Variants in PHLPP1 observed in about 807,000 individuals in gnomAD.
PHLPP1 encodes PH domain leucine-rich repeat-containing protein phosphatase 1.
PHLPP1 carries 42 observed loss-of-function variants against 117.2 expected under a neutral mutation model. The ratio of observed to expected loss-of-function variants is 0.36; its 90% CI spans 0.28 to 0.46. The LOEUF (loss-of-function observed/expected upper bound fraction) is 0.46, where lower values mean the gene tolerates loss of function less well. Among genes scored for constraint, PHLPP1 ranks in the 20% least tolerant of loss-of-function variants. PHLPP1 has a pLI of 1.00. For missense variants in PHLPP1, 2,084 were observed against 2,241.9 expected (o/e 0.93, Z 1.42); for synonymous variants, 1,042 against 970.7 (o/e 1.07, Z -1.37).
Position 62,860,745 on chromosome 18 carries a change from T to G in PHLPP1, c.2066+144T>G, listed in dbSNP as rs950485461. 1.5e-5 allele frequency: 10 copies of G among 651,800 alleles called. No individual in the cohort carries two copies. The African/African-American group carries it at 1.6e-4, about 11-fold the overall frequency. 40.4% of individuals were successfully genotyped at this position (651,800 alleles called of 1,614,324 possible). On this transcript the variant is annotated intron_variant, in intron 4 of 16. Coordinates refer to ENST00000262719, the MANE Select transcript of PHLPP1 (RefSeq NM_194449.4). ...AACAGGGTAATAGGACTTTGTTTATTAGTGAAGACATTACCAATTCTCAAT... is the reference window on the plus strand; with the variant it reads ...AACAGGGTAATAGGACTTTGTTTATGAGTGAAGACATTACCAATTCTCAAT...
chr18:62,882,588 A>C (rs535536986), intron 4 of PHLPP1, among the ~76,000 whole-genome samples: 2 of 152,302 alleles, frequency 1.3e-5, no homozygotes, highest in East Asian at 3.9e-4. Flanking sequence ...CTAAAGAGCA[A>C]GTATATTCAA....
chr18:62,811,780 A>G (rs1008716973), intron 1 of PHLPP1, among the ~76,000 whole-genome samples: 1 of 152,118 alleles, frequency 6.6e-6, no homozygotes, highest in Non-Finnish European at 1.5e-5. Flanking sequence ...TCTATTTGGA[A>G]TGGGTTTAAG....
intron 1 of PHLPP1, among the ~76,000 whole-genome samples, chr18:62,720,401 T>C (rs1171800226): frequency 1.3e-5 from 2 of 152,214 alleles, no homozygotes; most frequent in Admixed American, 1.3e-4. Flanking sequence ...CAGAATAAAG[T>C]GCACATTCAC....
intron 1 of PHLPP1, among the ~76,000 whole-genome samples, chr18:62,816,189 A>G (rs78954044): frequency 0.03 from 4,631 of 152,302 alleles, 96 homozygotes; most frequent in Middle Eastern, 0.075. Flanking sequence ...AAAGAGTACA[A>G]AAATTAAGGC....
intron 4 of PHLPP1, among the ~76,000 whole-genome samples, chr18:62,875,639 G>A (rs901522012): frequency 1.3e-5 from 2 of 152,044 alleles, no homozygotes; most frequent in East Asian, 1.9e-4. Context: ...GGTGGGGGAA[G>A]TGCCTTTATT....
At chr18:62,885,651 C>T (rs920908577) in intron 4 of PHLPP1, among the ~76,000 whole-genome samples, 1 of 151,740 alleles carries the variant, frequency 6.6e-6, no homozygotes, top group African/African-American at 2.4e-5. Flanking sequence ...CAGAGTGAGA[C>T]TCCGTCTCAA....
chr18:62,799,677 T>C (rs976362442), intron 1 of PHLPP1, among the ~76,000 whole-genome samples: 1 of 152,194 alleles, frequency 6.6e-6, no homozygotes, highest in Non-Finnish European at 1.5e-5. Flanking sequence ...AAACCATTTA[T>C]TTATGATACC....
chr18:62,972,051 T>C (rs533804752), intron 14 of PHLPP1, among the ~76,000 whole-genome samples: 14 of 152,252 alleles, frequency 9.2e-5, no homozygotes, highest in African/African-American at 3.4e-4. Context: ...AAAATAAAAA[T>C]AAAAATAATT....
intron 10 of PHLPP1, 124 bp downstream of exon 10, chr18:62,920,238 A>G (rs1227203277): frequency 1.0e-6 from 1 of 983,442 alleles, no homozygotes; most frequent in Non-Finnish European, 1.5e-6. Flanking sequence ...TTTGTGAAGG[A>G]AATAGTTTTG....
In PHLPP1 at chr18:62,807,013, A is replaced by G. The variant is rs181269507; in HGVS notation, c.1577-23022A>G. ...TAGTTTAAAAATTTTTTATAAATAA[A>G]GTTGCCCTTATTGTCTTTCATAGCG... On this transcript the variant is annotated intron_variant, in intron 1 of 16. Coordinates refer to ENST00000262719, the MANE Select transcript of PHLPP1 (RefSeq NM_194449.4). 5.3e-5 allele frequency among the ~76,000 whole-genome samples: 8 copies of G among 152,264 alleles called. No homozygotes were observed. The East Asian group carries it at 1.5e-3, about 29-fold the overall frequency.
intron 2 of PHLPP1, chr18:62,837,809 C>G (rs963585405): frequency 1.3e-5 from 2 of 151,770 alleles, no homozygotes; most frequent in African/African-American, 4.8e-5. Flanking sequence ...TACAGGCACC[C>G]ACCACCGCTC....
chr18:62,874,977 C>G (rs1027249866), intron 4 of PHLPP1, among the ~76,000 whole-genome samples: 3 of 152,116 alleles, frequency 2.0e-5, no homozygotes, highest in Non-Finnish European at 4.4e-5. Context: ...ATATTTGAGA[C>G]GGAGTCTCGC....
Position 62,716,241 on chromosome 18 carries a change from G to T in PHLPP1, c.558G>T (p.Gln186His). ...TLLLKHRQTL[Q>H]LQPSDRDWVR... Reference sequence around the variant, plus strand: ...TTCTGAAGCACCGGCAGACGCTGCAGCTGCAGCCGTCGGACCGGGACTGGG... The same window carrying T: ...TTCTGAAGCACCGGCAGACGCTGCATCTGCAGCCGTCGGACCGGGACTGGG... Residue 186 changes from glutamine to histidine, a missense_variant, in exon 1 of 17, where the codon CAG (glutamine) becomes CAT (histidine). By Grantham distance (24) the Gln-to-His change is conservative. Transcript: ENST00000262719. This position sits in a 1 kb window ranked among gnomAD's most constrained non-coding sequence, Gnocchi z 5.7. 6.5e-7 allele frequency: 1 copy of T among 1,529,678 alleles called. No individual in the cohort carries two copies. The highest frequency in any genetic ancestry group is 8.7e-7 in the Non-Finnish European group (1 of 1,144,352). The allele number at this position is 1,529,678 out of a possible 1,614,324, so 94.8% of individuals were successfully genotyped here. A position where few individuals can be genotyped will look rare whatever the true frequency, so the allele number is the denominator to read the frequency against.
At chr18:62,805,498 C>T (rs1400992141) in intron 1 of PHLPP1, among the ~76,000 whole-genome samples, 1 of 152,104 alleles carries the variant, frequency 6.6e-6, no homozygotes, top group Admixed American at 6.6e-5. Flanking sequence ...ACTAGGACTA[C>T]AAGCATGCGC....
intron 1 of PHLPP1, among the ~76,000 whole-genome samples, chr18:62,808,557 G>GTTTTTTTTTTTTTTGTT (rs553137209): frequency 1.5e-5 from 2 of 135,542 alleles, no homozygotes; most frequent in African/African-American, 2.6e-5. Flanking sequence ...GTTTTTTTTT[G>GTTTTTTTTTTTTTTGTT]TTTTTTTTTT....
At chr18:62,766,284 A>G (rs188903506) in intron 1 of PHLPP1, among the ~76,000 whole-genome samples, 150 of 149,914 alleles carry the variant, frequency 1.0e-3, no homozygotes, top group Non-Finnish European at 1.7e-3. Context: ...TTGGGGAATA[A>G]CTTTCTTTCT....
At chr18:62,748,800 TA>T (rs770699065) in intron 1 of PHLPP1, among the ~76,000 whole-genome samples, 10 of 152,322 alleles carry the variant, frequency 6.6e-5, no homozygotes, top group Non-Finnish European at 1.0e-4. Context: ...GGATTCAATC[TA>T]TTTATATTTG....
intron 1 of PHLPP1, among the ~76,000 whole-genome samples, chr18:62,779,080 A>C (rs1342711097): frequency 6.6e-6 from 1 of 152,116 alleles, no homozygotes; most frequent in Admixed American, 6.5e-5. Flanking sequence ...TTCCCATTGC[A>C]CTTAGAATGA....
intron 3 of PHLPP1, among the ~76,000 whole-genome samples, chr18:62,841,036 T>C (rs1390887081): frequency 6.6e-6 from 1 of 151,636 alleles, no homozygotes. Context: ...ATTAAAGGCA[T>C]GTGCACATGC....
Sources: gnomAD v4.1 joint callset for allele counts (sites outside exome capture counted in the v4.1 genomes callset) on GRCh38, gnomAD v4.1.1 for gene constraint, Gnocchi (gnomAD v3.1) non-coding constraint, MANE v1.5 for transcripts, NCBI Gene and HGNC (gene_info 2026-07-23, HGNC 2026-07-21) for gene names.